Variants in OSBPL6 observed in about 807,000 individuals in gnomAD.
OSBPL6 encodes the protein oxysterol binding protein like 6.
OSBPL6 carries 49 observed loss-of-function variants against 125.8 expected under a neutral mutation model. The ratio of observed to expected loss-of-function variants is 0.39; its 90% CI spans 0.31 to 0.49. OSBPL6 has a LOEUF of 0.49. OSBPL6 is among the 20% of genes least tolerant of loss of function. The pLI, the probability that OSBPL6 is intolerant of heterozygous loss-of-function variation, is 0.88. For missense variants in OSBPL6, 986 were observed against 1,135.4 expected, an observed-to-expected ratio of 0.87 and a Z score of 1.89; for synonymous variants, 394 against 391.8, an observed-to-expected ratio of 1.01 and a Z score of -0.07.
chr2:178,221,444 G>A (rs556767586), intron 1 of OSBPL6, among the ~76,000 whole-genome samples: 1 of 152,258 alleles, frequency 6.6e-6, no homozygotes, highest in Admixed American at 6.5e-5. Flanking sequence ...GAGCGAAACT[G>A]AAGGAAATAC....
At position 178,319,628 on chromosome 2, in the gene OSBPL6, A is replaced by T. The variant is rs564743128; in HGVS notation, c.103-4549A>T. ...TTATTCAAAGGCTTGTGAAGATGGA[A>T]TGCAATAATTCATGTAAAGCATAGA... is the stretch of plus-strand genomic sequence containing the variant. On this transcript the variant is annotated intron_variant, in intron 3 of 24. Coordinates refer to ENST00000190611, the MANE Select transcript of OSBPL6 (RefSeq NM_032523.4). 2.0e-5 allele frequency among the ~76,000 whole-genome samples: 3 copies of T among 152,334 alleles called. No homozygotes were observed. The South Asian group carries it at 6.2e-4, about 32-fold the overall frequency.
chr2:178,270,645 A>G (rs1049280418), intron 1 of OSBPL6, among the ~76,000 whole-genome samples: 2 of 152,206 alleles, frequency 1.3e-5, no homozygotes, highest in Admixed American at 1.3e-4. Context: ...TGAGCCTCAC[A>G]AAAGTTGGAT....
intron 2 of OSBPL6, among the ~76,000 whole-genome samples, chr2:178,302,951 C>A (rs988392830): frequency 6.6e-6 from 1 of 152,180 alleles, no homozygotes; most frequent in African/African-American, 2.4e-5. Context: ...CACAAAAGTA[C>A]CTCCTTTTTG....
Position 178,324,206 on chromosome 2 carries a change from C to G in OSBPL6, c.132C>G (p.Ser44=). ...QSIHILERTA[S]SSTEPSVSRQ... Reference sequence around the variant, plus strand: ...TTCACATACTGGAGAGGACTGCTTCCTCTAGCACCGAGCCCTCTGTAAGTC... The same window carrying G: ...TTCACATACTGGAGAGGACTGCTTCGTCTAGCACCGAGCCCTCTGTAAGTC... The change falls in exon 4 of 25, where the codon TCC becomes TCG. Residue 44 remains serine, a synonymous_variant. Coordinates refer to ENST00000190611, the MANE Select transcript of OSBPL6 (RefSeq NM_032523.4). The G allele has an allele frequency of 6.3e-7, 1 of 1,580,834 alleles. No individual in the cohort carries two copies. The highest frequency in any genetic ancestry group is 2.3e-5 in the East Asian group (1 of 44,238).
At chr2:178,384,642 A>G (rs1381762974) in intron 18 of OSBPL6, among the ~76,000 whole-genome samples, 1 of 152,170 alleles carries the variant, frequency 6.6e-6, no homozygotes, top group African/African-American at 2.4e-5. Context: ...TCACTCTGTG[A>G]ATCTGCATTT....
intron 1 of OSBPL6, among the ~76,000 whole-genome samples, chr2:178,267,817 CAAAA>C (rs71023437): frequency 3.0e-5 from 4 of 132,958 alleles, no homozygotes; most frequent in African/African-American, 2.9e-5. Flanking sequence ...CAAGTAATTG[CAAAA>C]AAAAAAAAAA....
At chr2:178,233,336 C>T (rs57623442) in intron 1 of OSBPL6, among the ~76,000 whole-genome samples, 7 of 152,282 alleles carry the variant, frequency 4.6e-5, no homozygotes, top group East Asian at 1.9e-4. Context: ...CTAATTCCTG[C>T]GAACCAGCCT....
Position 178,336,179 on chromosome 2 carries a change from C to A in OSBPL6, c.658-122C>A, listed in dbSNP as rs1198161342. 1.1e-5 allele frequency: 14 copies of A among 1,264,664 alleles called. No homozygotes were observed. In the South Asian group the frequency reaches 2.0e-4, roughly 18 times the overall value. 78.3% of individuals were successfully genotyped at this position (1,264,664 alleles called of 1,614,324 possible). ...ACCACATTTAGCCAAGAGGCTTCTT[C>A]CATGTTTTGAGTGTGCATTTTCTTC... On this transcript the variant is annotated intron_variant, in intron 8 of 24. Transcript: ENST00000190611.
intron 20 of OSBPL6, among the ~76,000 whole-genome samples, chr2:178,388,717 ATTTG>A (rs1695156203): frequency 6.6e-6 from 1 of 152,178 alleles, no homozygotes; most frequent in African/African-American, 2.4e-5. Flanking sequence ...TATTTTAAGT[ATTTG>A]TTTGCATATC....
intron 5 of OSBPL6, 121 bp downstream of exon 5, chr2:178,328,499 T>A (rs1490881129): frequency 8.1e-7 from 1 of 1,229,676 alleles, no homozygotes; most frequent in Non-Finnish European, 1.1e-6. Flanking sequence ...TTTTAAAACT[T>A]TTTTTTGAGA....
chr2:178,206,835 G>A (rs1275901856), intron 1 of OSBPL6, among the ~76,000 whole-genome samples: 1 of 152,128 alleles, frequency 6.6e-6, no homozygotes, highest in East Asian at 1.9e-4. Context: ...GGCTGGTCTT[G>A]AACTCCTGAC....
intron 3 of OSBPL6, among the ~76,000 whole-genome samples, chr2:178,318,294 G>T (rs933998401): frequency 4.6e-5 from 7 of 152,308 alleles, no homozygotes; most frequent in Admixed American, 1.3e-4. Flanking sequence ...GTGCAGGAAG[G>T]GATGGGACTG....
Position 178,368,461 on chromosome 2 carries a change from C to G in OSBPL6, c.1288-3665C>G, listed in dbSNP as rs1574988458. 2.0e-5 allele frequency among the ~76,000 whole-genome samples: 3 copies of G among 152,148 alleles called. No individual in the cohort carries two copies. In the East Asian group the frequency reaches 5.8e-4, roughly 29 times the overall value. On this transcript the variant is annotated intron_variant, in intron 13 of 24. Transcript: ENST00000190611. ...TCTTTAAAACTTTTAGCTTTGAACT[C>G]AACATGCTTAACATCTGGCTTGAAA...
At chr2:178,367,961 G>A (rs1280621261) in intron 13 of OSBPL6, among the ~76,000 whole-genome samples, 1 of 152,094 alleles carries the variant, frequency 6.6e-6, no homozygotes, top group East Asian at 1.9e-4. Context: ...GCTGGTTCCA[G>A]GGGCTGGTCC....
chr2:178,270,608 C>T (rs975546495), intron 1 of OSBPL6, among the ~76,000 whole-genome samples: 4 of 152,294 alleles, frequency 2.6e-5, no homozygotes, highest in Admixed American at 1.3e-4. Flanking sequence ...GTGCTTTGAA[C>T]TTCTAAATTC....
At chr2:178,371,419 T>G (rs1422792723) in intron 13 of OSBPL6, among the ~76,000 whole-genome samples, 1 of 152,170 alleles carries the variant, frequency 6.6e-6, no homozygotes, top group Non-Finnish European at 1.5e-5. Context: ...GCAAGTAGTG[T>G]TTTACTGATG....
intron 20 of OSBPL6, among the ~76,000 whole-genome samples, chr2:178,387,763 G>A (rs1263586039): frequency 1.3e-5 from 2 of 152,196 alleles, no homozygotes; most frequent in African/African-American, 4.8e-5. Flanking sequence ...CCAGCACTTT[G>A]GGAGGCTGAG....
intron 12 of OSBPL6, among the ~76,000 whole-genome samples, chr2:178,355,496 G>T (rs1030007480): frequency 2.0e-5 from 3 of 152,168 alleles, no homozygotes; most frequent in Non-Finnish European, 4.4e-5. Context: ...ACAAGAAATT[G>T]ATAAATTCCT....
At chr2:178,217,246 C>T (rs1257341783) in intron 1 of OSBPL6, among the ~76,000 whole-genome samples, 9 of 151,986 alleles carry the variant, frequency 5.9e-5, no homozygotes, top group South Asian at 2.1e-4. Context: ...TTGTACTGTT[C>T]GTGCAACTTA....
Sources: gnomAD v4.1 joint callset for allele counts (sites outside exome capture counted in the v4.1 genomes callset) on GRCh38, gnomAD v4.1.1 for gene constraint, MANE v1.5 for transcripts, NCBI Gene and HGNC (gene_info 2026-07-23, HGNC 2026-07-21) for gene names.